Variants in MYT1L observed in about 807,000 individuals in gnomAD.
The protein encoded by MYT1L is myelin transcription factor 1-like protein.
Under a neutral mutation model 126.7 loss-of-function variants are expected in MYT1L, and 12 were observed. The observed-to-expected ratio is 0.09, with a 90% CI of 0.06 to 0.15. The LOEUF (loss-of-function observed/expected upper bound fraction) is 0.15, where lower values mean the gene tolerates loss of function less well. Among genes scored for constraint, MYT1L ranks in the 10% least tolerant of loss-of-function variants. The pLI, the probability that MYT1L is intolerant of heterozygous loss-of-function variation, is 1.00. For synonymous variants in MYT1L, 541 were observed against 604.2 expected (o/e 0.90, Z 1.53); for missense variants, 979 against 1,585.2 (o/e 0.62, Z 6.49).
chr2:2,171,664 G>A (rs1383370369), intron 3 of MYT1L, among the ~76,000 whole-genome samples: 2 of 152,172 alleles, frequency 1.3e-5, no homozygotes, highest in African/African-American at 4.8e-5. Context: ...GGAAATGTAC[G>A]ATTAAACATA....
chr2:2,160,198 A>G (rs2087623689), intron 3 of MYT1L, among the ~76,000 whole-genome samples: 1 of 152,238 alleles, frequency 6.6e-6, no homozygotes, highest in Admixed American at 6.5e-5. Context: ...CATGTGCACA[A>G]GAAAGACGAT....
chr2:2,010,914 G>A (rs1026357329), intron 4 of MYT1L, among the ~76,000 whole-genome samples: 8 of 152,166 alleles, frequency 5.3e-5, no homozygotes, highest in African/African-American at 1.7e-4. Context: ...CTAGTCAAAG[G>A]GGAGAGAATC....
At chr2:2,186,770 ACT>A (rs556011097) in intron 2 of MYT1L, among the ~76,000 whole-genome samples, 2 of 152,220 alleles carry the variant, frequency 1.3e-5, no homozygotes, top group African/African-American at 4.8e-5. Flanking sequence ...CAACGAATAA[ACT>A]CTTAAATTCC....
rs752090647 is a variant in MYT1L at position 1,910,506 on chromosome 2, G to C, written c.1710-159C>G. 6.6e-6 allele frequency among the ~76,000 whole-genome samples: 1 copy of C among 152,196 alleles called. No homozygotes were observed. ...CAGTCCTGATGGGTGGACTGGGAGA[G>C]GGGGAGGTAGTCATGTTTCCAGGTG... On this transcript the variant is annotated intron_variant, in intron 12 of 24. Transcript: ENST00000647738. This position sits in a 1 kb window ranked among gnomAD's most constrained non-coding sequence, Gnocchi z 4.8.
intron 8 of MYT1L, among the ~76,000 whole-genome samples, chr2:1,965,776 C>A (rs765244559): frequency 4.6e-5 from 7 of 152,208 alleles, no homozygotes; most frequent in Non-Finnish European, 8.8e-5. Flanking sequence ...TTCAGGAGAG[C>A]CGGACAGGGG....
chr2:1,982,686 G>C (rs2060698852), intron 5 of MYT1L, among the ~76,000 whole-genome samples: 1 of 152,206 alleles, frequency 6.6e-6, no homozygotes, highest in Admixed American at 6.5e-5. Context: ...GCTGGGGCTG[G>C]GGTGGGAGAG....
chr2:1,877,827 T>C (rs1275949041), intron 18 of MYT1L, among the ~76,000 whole-genome samples: 1 of 151,456 alleles, frequency 6.6e-6, no homozygotes, highest in Non-Finnish European at 1.5e-5. Flanking sequence ...TAATGACATC[T>C]TCCTAATTCA....
At chr2:1,944,223 C>T (rs1326040363) in intron 8 of MYT1L, among the ~76,000 whole-genome samples, 1 of 151,926 alleles carries the variant, frequency 6.6e-6, no homozygotes, top group Non-Finnish European at 1.5e-5. Context: ...TAATGCTATC[C>T]CTCCCCGCTT....
intron 3 of MYT1L, among the ~76,000 whole-genome samples, chr2:2,106,171 G>A (rs1295513189): frequency 6.6e-6 from 1 of 152,206 alleles, no homozygotes; most frequent in African/African-American, 2.4e-5. Flanking sequence ...GACAGGGCGA[G>A]CTTCCTTTGG....
intron 3 of MYT1L, among the ~76,000 whole-genome samples, chr2:2,057,305 G>A (rs2069719025): frequency 6.6e-6 from 1 of 150,492 alleles, no homozygotes; most frequent in Admixed American, 6.6e-5. Flanking sequence ...GCCTTTTCCT[G>A]TTCATCACCA....
chr2:2,019,167 T>C (rs2064765965), intron 4 of MYT1L, among the ~76,000 whole-genome samples: 2 of 151,974 alleles, frequency 1.3e-5, no homozygotes, highest in East Asian at 1.9e-4. Flanking sequence ...AATTCTCATG[T>C]GTTGTGGGAG....
chr2:2,017,479 G>C (rs2064544225), intron 4 of MYT1L, among the ~76,000 whole-genome samples: 1 of 152,214 alleles, frequency 6.6e-6, no homozygotes, highest in African/African-American at 2.4e-5. Flanking sequence ...CTAAGTTGCA[G>C]GTTCCCCCTT....
At chr2:1,840,973 G>A (rs1387411364) in intron 19 of MYT1L, 130 bp from the exon 20 acceptor site, 4 of 621,406 alleles carry the variant, frequency 6.4e-6, no homozygotes, top group Non-Finnish European at 8.1e-6. Context: ...GTGTGATCTC[G>A]GCTCACTGCA....
At chr2:2,185,102 C>T (rs1421729176) in intron 2 of MYT1L, among the ~76,000 whole-genome samples, 1 of 152,124 alleles carries the variant, frequency 6.6e-6, no homozygotes, top group Non-Finnish European at 1.5e-5. Flanking sequence ...CAGTCACCAG[C>T]CAGCAACTCT....
At chr2:1,918,487 C>A (rs2053149909) in intron 10 of MYT1L, among the ~76,000 whole-genome samples, 1 of 152,154 alleles carries the variant, frequency 6.6e-6, no homozygotes, top group African/African-American at 2.4e-5. Flanking sequence ...CTAGAAAATA[C>A]ATGTTTTACT....
intron 3 of MYT1L, among the ~76,000 whole-genome samples, chr2:2,096,414 G>T (rs1225399717): frequency 6.6e-6 from 1 of 152,164 alleles, no homozygotes; most frequent in African/African-American, 2.4e-5. Context: ...CTCATGGGTG[G>T]TCTATATCAA....
In MYT1L at chr2:1,887,467, T is replaced by A. The variant is rs2048305125; in HGVS notation, c.2642+21A>T. ...TGGGAAGATTAAGAAGATTCATAAT[T>A]TCACCTCACAGCATGCTTACGTTAT... On this transcript the variant is annotated intron_variant, in intron 17 of 24. Coordinates refer to ENST00000647738, the MANE Select transcript of MYT1L (RefSeq NM_001303052.2). The surrounding 1 kb of genome is among the most constrained non-coding windows in gnomAD (Gnocchi z 4.8). 3.1e-6 allele frequency: 5 copies of A among 1,613,946 alleles called. No individual in the cohort carries two copies. In the African/African-American group the frequency reaches 4.0e-5, roughly 13 times the overall value.
chr2:1,899,295 C>T (rs958234637), intron 14 of MYT1L, among the ~76,000 whole-genome samples: 1 of 152,262 alleles, frequency 6.6e-6, no homozygotes, highest in Admixed American at 6.5e-5. Context: ...CAGCCAGGTG[C>T]CAACGGCACC....
At chr2:2,005,533 T>C (rs889414422) in intron 4 of MYT1L, among the ~76,000 whole-genome samples, 1 of 150,796 alleles carries the variant, frequency 6.6e-6, no homozygotes, top group East Asian at 2.0e-4. Flanking sequence ...CCTGCAGGCA[T>C]TCTTTCCTGA....
Sources: allele counts gnomAD v4.1 joint callset (sites outside exome capture counted in the v4.1 genomes callset), GRCh38; gene constraint gnomAD v4.1.1; non-coding constraint Gnocchi (gnomAD v3.1); transcripts MANE v1.5; gene names NCBI Gene and HGNC (gene_info 2026-07-23, HGNC 2026-07-21).